The following EYS variants were observed in gnomAD, a reference collection of about 807,000 sequenced individuals.
EYS encodes the protein protein eyes shut homolog.
EYS carries 250 observed loss-of-function variants against 282.1 expected under a neutral mutation model. The observed-to-expected ratio is 0.89, with a 90% CI of 0.80 to 0.98. EYS has a LOEUF of 0.98. Among genes scored for constraint, EYS ranks in the 50% least tolerant of loss-of-function variants. The pLI is 0.00. For synonymous variants in EYS, 1,355 were observed against 1,282.9 expected (o/e 1.06, Z -1.20); for missense variants, 4,016 against 3,709.0 (o/e 1.08, Z -2.15).
chr6:65,686,116 G>C (rs924502556), intron 1 of EYS, among the ~76,000 whole-genome samples: 1 of 152,012 alleles, frequency 6.6e-6, no homozygotes, highest in Non-Finnish European at 1.5e-5. Flanking sequence ...ATGATAGCCA[G>C]ATGCAGGTAT....
chr6:64,907,543 C>G (rs1023271040), intron 16 of EYS, among the ~76,000 whole-genome samples: 2 of 152,116 alleles, frequency 1.3e-5, no homozygotes, highest in Non-Finnish European at 2.9e-5. Context: ...GAGAGGGATA[C>G]CAGACAGTTC....
intron 5 of EYS, among the ~76,000 whole-genome samples, chr6:65,429,031 T>C (rs1767773199): frequency 6.6e-6 from 1 of 151,902 alleles, no homozygotes; most frequent in Non-Finnish European, 1.5e-5. Context: ...AAATACAAAA[T>C]TAGCCGGGCA....
chr6:65,257,736 A>G (rs1031859229), intron 12 of EYS, among the ~76,000 whole-genome samples: 1 of 152,006 alleles, frequency 6.6e-6, no homozygotes, highest in Admixed American at 6.6e-5. Flanking sequence ...TTGGCTTAGG[A>G]CTGACTTGGC....
At chr6:64,583,656 G>A (rs542400311) in intron 26 of EYS, among the ~76,000 whole-genome samples, 4 of 152,160 alleles carry the variant, frequency 2.6e-5, no homozygotes, top group South Asian at 4.1e-4. Flanking sequence ...TTAGCCAGGC[G>A]TGGTGACAGA....
intron 26 of EYS, among the ~76,000 whole-genome samples, chr6:64,544,261 C>G (rs962275077): frequency 6.6e-6 from 1 of 152,116 alleles, no homozygotes; most frequent in African/African-American, 2.4e-5. Context: ...ACAGAAATAG[C>G]TATAATAGTA....
intron 13 of EYS, among the ~76,000 whole-genome samples, chr6:65,000,750 A>C (rs1771436587): frequency 6.6e-6 from 1 of 152,220 alleles, no homozygotes; most frequent in Non-Finnish European, 1.5e-5. Context: ...TGCACTCCAC[A>C]CTGGAAGACA....
intron 31 of EYS, among the ~76,000 whole-genome samples, chr6:64,143,149 G>C (rs1774394286): frequency 1.3e-5 from 2 of 152,080 alleles, no homozygotes; most frequent in Non-Finnish European, 2.9e-5. Flanking sequence ...AAATATCCGT[G>C]GTTGCCAAAG....
At chr6:64,327,390 A>T (rs1374577279) in intron 29 of EYS, among the ~76,000 whole-genome samples, 2 of 152,128 alleles carry the variant, frequency 1.3e-5, no homozygotes, top group Admixed American at 6.5e-5. Context: ...ATGCTGAAAA[A>T]TTTTAAGAAA....
intron 31 of EYS, among the ~76,000 whole-genome samples, chr6:64,144,137 C>T (rs766425777): frequency 3.9e-5 from 6 of 152,152 alleles, no homozygotes; most frequent in Admixed American, 6.5e-5. Context: ...ATGGACGCAG[C>T]TTTGACTGCA....
intron 7 of EYS, among the ~76,000 whole-genome samples, chr6:65,394,507 C>T (rs1056407572): frequency 5.3e-5 from 8 of 152,100 alleles, no homozygotes; most frequent in Non-Finnish European, 1.2e-4. Flanking sequence ...TGAAGTGCAG[C>T]ACAGAGTCCT....
At chr6:65,319,690 A>C (rs1769416623) in intron 11 of EYS, among the ~76,000 whole-genome samples, 1 of 152,200 alleles carries the variant, frequency 6.6e-6, no homozygotes, top group South Asian at 2.1e-4. Flanking sequence ...TCAGTGATAC[A>C]GATAGATGGA....
chr6:63,933,076 G>T (rs988462305), intron 35 of EYS, among the ~76,000 whole-genome samples: 6 of 152,190 alleles, frequency 3.9e-5, no homozygotes, highest in African/African-American at 1.4e-4. Context: ...CCAGATGGAA[G>T]AGCTGCATAG....
chr6:65,286,450 T>C (rs1342259813), intron 12 of EYS, among the ~76,000 whole-genome samples: 2 of 151,792 alleles, frequency 1.3e-5, no homozygotes, highest in Non-Finnish European at 3.0e-5. Context: ...TCAAGACAGA[T>C]TCTTGATTAA....
intron 29 of EYS, among the ~76,000 whole-genome samples, chr6:64,322,200 A>AT (rs758150720): frequency 6.6e-6 from 1 of 151,922 alleles, no homozygotes; most frequent in Non-Finnish European, 1.5e-5. Flanking sequence ...ATTAATCGAC[A>AT]TTTTTTCCCC....
chr6:63,869,360 TCTTC>T (rs1328097313), intron 35 of EYS, among the ~76,000 whole-genome samples: 6 of 152,182 alleles, frequency 3.9e-5, no homozygotes, highest in Non-Finnish European at 5.9e-5. Context: ...CTCTCTTCCC[TCTTC>T]CTTCTTTCTT....
At chr6:64,296,583 TACA>T (rs1561913805) in intron 30 of EYS, among the ~76,000 whole-genome samples, 2 of 7,740 alleles carry the variant, frequency 2.6e-4, no homozygotes, top group African/African-American at 8.1e-4. Context: ...TATATATATA[TACA>T]TATATATATA....
chr6:65,662,390 T>C (rs1046167130), intron 1 of EYS, among the ~76,000 whole-genome samples: 8 of 152,170 alleles, frequency 5.3e-5, no homozygotes, highest in Non-Finnish European at 8.8e-5. Context: ...GCTTGATATA[T>C]ATTTTTTCAC....
intron 35 of EYS, among the ~76,000 whole-genome samples, chr6:63,961,990 C>G (rs2881971): frequency 0.3 from 45,618 of 151,942 alleles, 6,943 homozygotes; most frequent in Admixed American, 0.38. Flanking sequence ...ACAAACCTGA[C>G]AAAAACAAGA....
chr6:64,130,831 T>C (rs1342484153), intron 31 of EYS, among the ~76,000 whole-genome samples: 1 of 152,116 alleles, frequency 6.6e-6, no homozygotes, highest in East Asian at 1.9e-4. Context: ...CAAGCTATGC[T>C]GAGCCTTGGA....
Sources: gnomAD v4.1 joint callset for allele counts (sites outside exome capture counted in the v4.1 genomes callset) on GRCh38, gnomAD v4.1.1 for gene constraint, MANE v1.5 for transcripts, NCBI Gene and HGNC (gene_info 2026-07-23, HGNC 2026-07-21) for gene names.